The following ADGRL3 variants were observed in gnomAD, a reference collection of about 807,000 sequenced individuals.
ADGRL3 encodes the protein calcium-independent alpha-latrotoxin receptor 3.
In ADGRL3, 62 loss-of-function variants were observed where a neutral mutation model predicts 153.5. The observed-to-expected ratio is 0.40, with a 90% confidence interval of 0.33 to 0.50. The LOEUF is 0.50. Ranked by LOEUF, ADGRL3 falls within the 20% of genes least tolerant of loss-of-function variation. The pLI, the probability that ADGRL3 is intolerant of heterozygous loss-of-function variation, is 0.47. For synonymous variants in ADGRL3, 710 were observed against 672.5 expected, an observed-to-expected ratio of 1.06 and a Z score of -0.86; for missense variants, 1,641 against 1,859.4, an observed-to-expected ratio of 0.88 and a Z score of 2.16.
intron 15 of ADGRL3, among the ~76,000 whole-genome samples, chr4:61,936,673 A>G (rs910073941): frequency 6.6e-6 from 1 of 151,938 alleles, no homozygotes; most frequent in South Asian, 2.1e-4. Flanking sequence ...GTATGTGTGT[A>G]TATATGTATG....
chr4:61,206,316 T>G (rs1291692982), intron 1 of ADGRL3, among the ~76,000 whole-genome samples: 2 of 152,218 alleles, frequency 1.3e-5, no homozygotes, highest in African/African-American at 2.4e-5. Context: ...AAACTATTTT[T>G]GGGATGGAAA....
At chr4:61,437,066 A>G (rs1387564766) in intron 2 of ADGRL3, among the ~76,000 whole-genome samples, 2 of 152,174 alleles carry the variant, frequency 1.3e-5, no homozygotes, top group Non-Finnish European at 2.9e-5. Flanking sequence ...GTTATATAGT[A>G]TTGATAGGAA....
At chr4:61,628,247 T>G (rs1016374160) in intron 5 of ADGRL3, among the ~76,000 whole-genome samples, 4 of 152,132 alleles carry the variant, frequency 2.6e-5, no homozygotes, top group African/African-American at 9.7e-5. Flanking sequence ...ATTACACATC[T>G]ATGAAGTGGT....
At chr4:61,444,952 T>C (rs1415136085) in intron 2 of ADGRL3, among the ~76,000 whole-genome samples, 2 of 151,922 alleles carry the variant, frequency 1.3e-5, no homozygotes, top group African/African-American at 4.8e-5. Context: ...ACTCGGAGAC[T>C]GGGGTGGAAG....
chr4:61,302,768 A>C (rs2094621857), intron 1 of ADGRL3, among the ~76,000 whole-genome samples: 1 of 152,176 alleles, frequency 6.6e-6, no homozygotes, highest in Non-Finnish European at 1.5e-5. Flanking sequence ...ATTAATGCAA[A>C]TAAGGCACAT....
rs547397623 is a variant in ADGRL3 at position 61,290,816 on chromosome 4, A to G, written c.-240+89051A>G. ...ATTTACAATGTGTTAGGCCCTGACC[A>G]GGTTGACTACTGATTAATTTCATGT... On this transcript the variant is annotated intron_variant, in intron 1 of 26. Transcript: ENST00000683033. Among the ~76,000 whole-genome samples, 4 of 152,200 alleles carry G rather than the reference A, an allele frequency of 2.6e-5. No homozygotes were observed. In the South Asian group the frequency reaches 8.3e-4, roughly 32 times the overall value.
chr4:61,904,942 G>C (rs892188268), intron 11 of ADGRL3, among the ~76,000 whole-genome samples: 4 of 151,934 alleles, frequency 2.6e-5, no homozygotes, highest in Non-Finnish European at 4.4e-5. Context: ...TTTTCTTATA[G>C]AAACAATATT....
At chr4:61,381,516 CA>C (rs113753868) in intron 1 of ADGRL3, among the ~76,000 whole-genome samples, 32 of 151,810 alleles carry the variant, frequency 2.1e-4, no homozygotes, top group African/African-American at 6.5e-4. Flanking sequence ...ATAGGAGTGT[CA>C]GGGAAGATAA....
chr4:61,708,953 G>A (rs2095907982), intron 6 of ADGRL3, among the ~76,000 whole-genome samples: 1 of 151,964 alleles, frequency 6.6e-6, no homozygotes. Flanking sequence ...GGGACTCCAG[G>A]CGTGCACCAC....
intron 13 of ADGRL3, among the ~76,000 whole-genome samples, chr4:61,920,863 T>C (rs1241666170): frequency 6.6e-6 from 1 of 152,222 alleles, no homozygotes; most frequent in African/African-American, 2.4e-5. Flanking sequence ...CATGGTTAAA[T>C]ACTTCATTAG....
At chr4:61,461,081 A>G (rs1358943104) in intron 2 of ADGRL3, among the ~76,000 whole-genome samples, 1 of 152,120 alleles carries the variant, frequency 6.6e-6, no homozygotes, top group African/African-American at 2.4e-5. Flanking sequence ...AAAACAAAAC[A>G]AAACAAAACA....
rs1366650827 is a variant in ADGRL3, at chr4:61,852,218, A to G, written c.1480+38329A>G. On this transcript the variant is annotated intron_variant, in intron 9 of 26. Transcript: ENST00000683033. ...ACACTGATATACATTGTTGCATTTA[A>G]CTATTTAGTAAAATAAAAAACTGTT... Among the ~76,000 whole-genome samples, 3 of 152,232 alleles carry G rather than the reference A, an allele frequency of 2.0e-5. No individual in the cohort carries two copies. The East Asian group carries it at 5.8e-4, about 29-fold the overall frequency.
chr4:61,298,000 T>G (rs2094467444), intron 1 of ADGRL3, among the ~76,000 whole-genome samples: 1 of 152,164 alleles, frequency 6.6e-6, no homozygotes, highest in Admixed American at 6.6e-5. Context: ...TATATAATAC[T>G]TTAAATAGCC....
At chr4:61,546,732 G>A (rs1288435415) in intron 4 of ADGRL3, among the ~76,000 whole-genome samples, 1 of 152,092 alleles carries the variant, frequency 6.6e-6, no homozygotes, top group Non-Finnish European at 1.5e-5. Flanking sequence ...ATGAGAAAAT[G>A]TTTAAAATGC....
At position 61,934,793 on chromosome 4, in the gene ADGRL3, A is replaced by C. The variant is rs141330864; in HGVS notation, c.2113-47A>C. On this transcript the variant is annotated intron_variant, in intron 13 of 26. Coordinates refer to ENST00000683033, the MANE Select transcript of ADGRL3 (RefSeq NM_001387552.1). ...ATGTACACCTGGATTTCTGACAGCT[A>C]TGTGGGTTCACTAGAGACCTCTGTC... 3.5e-4 allele frequency: 515 copies of C among 1,478,432 alleles called. 3 individuals are homozygous for C. In the Middle Eastern group the frequency reaches 6.6e-3, roughly 19 times the overall value. 91.6% of individuals were successfully genotyped at this position (1,478,432 alleles called of 1,614,324 possible).
chr4:61,553,688 C>T (rs1244809398), intron 4 of ADGRL3, among the ~76,000 whole-genome samples: 2 of 151,954 alleles, frequency 1.3e-5, no homozygotes, highest in Non-Finnish European at 2.9e-5. Flanking sequence ...ATTCATTGCA[C>T]ATTTTTTTTT....
intron 2 of ADGRL3, among the ~76,000 whole-genome samples, chr4:61,431,910 G>C (rs1404738229): frequency 6.6e-6 from 1 of 151,996 alleles, no homozygotes; most frequent in Non-Finnish European, 1.5e-5. Context: ...AAGTAAAATG[G>C]GGACAATGCT....
chr4:61,344,890 G>T (rs1028051855), intron 1 of ADGRL3, among the ~76,000 whole-genome samples: 2 of 151,568 alleles, frequency 1.3e-5, no homozygotes, highest in African/African-American at 4.8e-5. Flanking sequence ...AGGTTCAAGC[G>T]ATTCTCTTGC....
chr4:61,908,686 C>T (rs1210484205), intron 11 of ADGRL3, among the ~76,000 whole-genome samples: 1 of 150,690 alleles, frequency 6.6e-6, no homozygotes, highest in Non-Finnish European at 1.5e-5. Context: ...TTACTTTGTA[C>T]ACTTTTTATT....
Sources: gnomAD v4.1 joint callset for allele counts (sites outside exome capture counted in the v4.1 genomes callset) on GRCh38, gnomAD v4.1.1 for gene constraint, MANE v1.5 for transcripts, NCBI Gene and HGNC (gene_info 2026-07-23, HGNC 2026-07-21) for gene names.